YBX1: variants seen among roughly 807,000 people sequenced by gnomAD.
YBX1 encodes the protein Y-box binding protein 1.
YBX1 carries 3 observed loss-of-function variants against 41.4 expected under a neutral mutation model. The observed-to-expected ratio is 0.07, with a 90% CI of 0.03 to 0.19. The LOEUF is 0.19. Ranked by LOEUF, YBX1 falls within the 10% of genes least tolerant of loss-of-function variation. YBX1 has a pLI of 1.00. For missense variants in YBX1, 274 were observed against 462.8 expected, an observed-to-expected ratio of 0.59 and a Z score of 3.74; for synonymous variants, 133 against 165.8, an observed-to-expected ratio of 0.80 and a Z score of 1.52.
At chr1:42,687,842 C>G (rs1650234645) in intron 2 of YBX1, among the ~76,000 whole-genome samples, 1 of 152,162 alleles carries the variant, frequency 6.6e-6, no homozygotes, top group Non-Finnish European at 1.5e-5. Flanking sequence ...AGATCCATTG[C>G]TAAGCCACAT....
rs574845929 is a variant in YBX1 at position 42,684,254 on chromosome 1, G to A, written c.230+788G>A. On this transcript the variant is annotated intron_variant, in intron 2 of 7. Coordinates refer to ENST00000321358, the MANE Select transcript of YBX1 (RefSeq NM_004559.5). ...CTTACCCTTCGGGTTGTTTGTAGGA[G>A]TGGTGGTGGTAACGTGCAGTAGACG... 2.0e-5 allele frequency among the ~76,000 whole-genome samples: 3 copies of A among 152,342 alleles called. No individual in the cohort carries two copies. The East Asian group carries it at 5.8e-4, about 29-fold the overall frequency.
intron 6 of YBX1, 126 bp from the exon 7 acceptor site, chr1:42,700,655 C>T (rs1181004131): frequency 1.8e-6 from 1 of 557,400 alleles, no homozygotes; most frequent in Non-Finnish European, 2.8e-6. Flanking sequence ...CACAAATTGC[C>T]TACAGACCAC....
At chr1:42,697,345 C>T in intron 6 of YBX1, 83 bp downstream of exon 6, 1 of 1,352,240 alleles carries the variant, frequency 7.4e-7, no homozygotes, top group Non-Finnish European at 1.0e-6. Context: ...CTCCTGCAGA[C>T]TCATTTTTCT....
At chr1:42,683,579 A>G in intron 2 of YBX1, 113 bp downstream of exon 2, 3 of 1,169,866 alleles carry the variant, frequency 2.6e-6, no homozygotes, top group Non-Finnish European at 3.7e-6. Context: ...AAAGGCGTTT[A>G]CTACCTCTGG....
intron 2 of YBX1, among the ~76,000 whole-genome samples, chr1:42,688,995 A>T (rs1483336541): frequency 6.6e-6 from 1 of 152,162 alleles, no homozygotes; most frequent in African/African-American, 2.4e-5. Context: ...TAAATTTTGG[A>T]AGAGTCAAAA....
chr1:42,684,219 G>A (rs561355541), intron 2 of YBX1, among the ~76,000 whole-genome samples: 1 of 152,334 alleles, frequency 6.6e-6, no homozygotes, highest in East Asian at 1.9e-4. Context: ...CTGCAGACAC[G>A]TCTTTAGGAC....
intron 1 of YBX1, 170 bp downstream of exon 1, chr1:42,682,901 G>C (rs1207572046): frequency 1.0e-5 from 2 of 197,982 alleles, no homozygotes; most frequent in Non-Finnish European, 1.7e-5. Context: ...GGACCCGCCC[G>C]GCAGGCGCGC....
chr1:42,683,303 C>T, intron 1 of YBX1, 100 bp from the exon 2 acceptor site: 1 of 1,428,476 alleles, frequency 7.0e-7, no homozygotes, highest in Non-Finnish European at 9.9e-7. Context: ...GTCAGGTGGC[C>T]GCGGCGGCCG....
At chr1:42,700,337 C>T (rs1436610080) in intron 6 of YBX1, among the ~76,000 whole-genome samples, 1 of 152,052 alleles carries the variant, frequency 6.6e-6, no homozygotes, top group Non-Finnish European at 1.5e-5. Flanking sequence ...TTAAAAGACT[C>T]AAGCCTGTAA....
rs564085313 is a variant in YBX1 at position 42,693,585 on chromosome 1, T to TA, written c.264+63dup. On this transcript the variant is annotated intron_variant, in intron 3 of 7. Transcript: ENST00000321358. ...AGGATTGTAAGAAGAAAAGGTTAGA[T>TA]ATGTTCTCAGCTTTTGTTCCTTATA... 2.4e-5 allele frequency: 38 copies of TA among 1,570,068 alleles called. No individual in the cohort carries two copies. In the South Asian group the frequency reaches 4.0e-4, roughly 17 times the overall value.
At position 42,702,625 on chromosome 1, in the gene YBX1, C is replaced by CTGTGA. The variant is rs1206356257; in HGVS notation, c.*677_*681dup. Among the ~76,000 whole-genome samples the CTGTGA allele has an allele frequency of 1.5e-5, 2 of 137,342 alleles. No homozygotes were observed. The allele number at this position is 137,342 out of a possible 152,430, so 90.1% of individuals were successfully genotyped here. A position where few individuals can be genotyped will look rare whatever the true frequency, so the allele number is the denominator to read the frequency against. ...GTAGATTTTGGGTGGGTCCCTTTGGCTGTGAGGCATTGTTTAAAAGGGCAT... is the reference window on the plus strand; with the variant it reads ...GTAGATTTTGGGTGGGTCCCTTTGGCTGTGATGTGAGGCATTGTTTAAAAGGGCAT... On this transcript the variant is annotated 3_prime_UTR_variant, in exon 8 of 8. Transcript: ENST00000321358.
intron 2 of YBX1, 134 bp from the exon 3 acceptor site, chr1:42,693,356 G>A (rs1425085927): frequency 2.3e-6 from 2 of 880,350 alleles, no homozygotes; most frequent in African/African-American, 3.4e-5. Flanking sequence ...AGAGCATGGT[G>A]GCTTGTGTTT....
chr1:42,689,179 G>T (rs916695907), intron 2 of YBX1, among the ~76,000 whole-genome samples: 5 of 152,350 alleles, frequency 3.3e-5, no homozygotes, highest in African/African-American at 1.2e-4. Context: ...CATACAGTTT[G>T]TCCGAAGGCA....
In YBX1 at chr1:42,696,316, G is replaced by C; in HGVS notation, c.354+28G>C. 6.2e-7 allele frequency: 1 copy of C among 1,607,100 alleles called. No homozygotes were observed. The highest frequency in any genetic ancestry group is 1.1e-5 in the South Asian group (1 of 90,284). ...GAGGATGCTTTTTGTGTAAAGGTTT[G>C]ACTTCAGTATGGAAATATTTTGGAG... is the stretch of plus-strand genomic sequence containing the variant. On this transcript the variant is annotated intron_variant, in intron 4 of 7. Transcript: ENST00000321358. This position sits in a 1 kb window ranked among gnomAD's most constrained non-coding sequence, Gnocchi z 5.7.
intron 2 of YBX1, among the ~76,000 whole-genome samples, chr1:42,692,741 G>T (rs1378666727): frequency 1.3e-5 from 2 of 152,244 alleles, no homozygotes; most frequent in Non-Finnish European, 2.9e-5. Flanking sequence ...TCCTTCTCCA[G>T]TGGTGATTCT....
intron 6 of YBX1, among the ~76,000 whole-genome samples, chr1:42,698,292 T>G (rs1268409771): frequency 6.6e-6 from 1 of 152,250 alleles, no homozygotes; most frequent in Non-Finnish European, 1.5e-5. Context: ...GCAGCTGATG[T>G]CATCATATTT....
At chr1:42,692,016 A>G (rs2148738358) in intron 2 of YBX1, among the ~76,000 whole-genome samples, 1 of 152,228 alleles carries the variant, frequency 6.6e-6, no homozygotes, top group South Asian at 2.1e-4. Flanking sequence ...ACGCCTGGCT[A>G]ATTTTTTGTA....
chr1:42,682,763 C>G (rs2148733536), intron 1 of YBX1, 32 bp downstream of exon 1: 1 of 1,191,902 alleles, frequency 8.4e-7, no homozygotes, highest in East Asian at 3.5e-5. Flanking sequence ...GGGTGGGGCC[C>G]TCGGGCAGCC....
chr1:42,685,296 G>C (rs931906707), intron 2 of YBX1, among the ~76,000 whole-genome samples: 11 of 152,110 alleles, frequency 7.2e-5, no homozygotes, highest in African/African-American at 2.7e-4. Context: ...CAACTCAATT[G>C]GTCATCCTCC....
Sources: allele counts gnomAD v4.1 joint callset (sites outside exome capture counted in the v4.1 genomes callset), GRCh38; gene constraint gnomAD v4.1.1; non-coding constraint Gnocchi (gnomAD v3.1); transcripts MANE v1.5; gene names NCBI Gene and HGNC (gene_info 2026-07-23, HGNC 2026-07-21).